TM4SF20: variants seen among roughly 807,000 people sequenced by gnomAD.
The protein encoded by TM4SF20 is transmembrane 4 L6 family member 20.
In TM4SF20, 13 loss-of-function variants were observed where a neutral mutation model predicts 15.1. The ratio of observed to expected loss-of-function variants is 0.86; its 90% confidence interval spans 0.56 to 1.36. TM4SF20 has a LOEUF of 1.36. TM4SF20 is among the 40% of genes most tolerant of loss of function. TM4SF20 has a pLI of 0.00. For missense variants in TM4SF20, 282 were observed against 268.4 expected, an observed-to-expected ratio of 1.05 and a Z score of -0.35; for synonymous variants, 92 against 96.6, an observed-to-expected ratio of 0.95 and a Z score of 0.28.
intron 1 of TM4SF20, among the ~76,000 whole-genome samples, chr2:227,377,656 A>G (rs944225302): frequency 3.3e-5 from 5 of 152,222 alleles, no homozygotes; most frequent in African/African-American, 1.2e-4. Context: ...AAAAGGAATG[A>G]GATCATGACC....
At chr2:227,365,079 T>C (rs906751431) in intron 3 of TM4SF20, among the ~76,000 whole-genome samples, 2 of 152,164 alleles carry the variant, frequency 1.3e-5, no homozygotes, top group Non-Finnish European at 2.9e-5. Flanking sequence ...CCTGGCTCAT[T>C]TTTGTATTTT....
intron 1 of TM4SF20, among the ~76,000 whole-genome samples, chr2:227,374,389 C>A (rs774277810): frequency 1.3e-5 from 2 of 152,018 alleles, no homozygotes; most frequent in African/African-American, 2.4e-5. Context: ...ATTCAGAGCT[C>A]CGGAAATTGG....
chr2:227,379,102 A>G lies in TM4SF20; in HGVS notation c.167T>C (p.Ile56Thr), dbSNP rs892652001. Residue 56 changes from isoleucine to threonine, a missense_variant, in exon 1 of 4, where the codon ATA becomes ACA. Transcript: ENST00000304568. The part of the protein sequence containing the change: ...SCFEWWFPGI[I>T]GAGLMAIPAT... ...ATCACTCACCATCAGACCTGCTCCT[A>G]TAATTCCTGGGAACCACCACTCAAA... 14 of 1,614,070 alleles carry G rather than the reference A, an allele frequency of 8.7e-6. No homozygotes were observed. Among genetic ancestry groups the G allele is most frequent in the East Asian group, 6.7e-5 (3 of 44,900 alleles).
intron 1 of TM4SF20, among the ~76,000 whole-genome samples, chr2:227,376,130 A>G (rs771843590): frequency 3.7e-4 from 57 of 152,376 alleles, no homozygotes; most frequent in Middle Eastern, 6.8e-3. Context: ...GATGTAATCA[A>G]TAATGAATTC....
intron 1 of TM4SF20, 99 bp from the exon 2 acceptor site, chr2:227,371,079 C>A: frequency 9.4e-7 from 1 of 1,065,630 alleles, no homozygotes; most frequent in Non-Finnish European, 1.4e-6. Context: ...TGTGGGAAAT[C>A]AAGGCTCAAA....
chr2:227,374,434 G>GGT (rs57830966), intron 1 of TM4SF20, among the ~76,000 whole-genome samples: 16,081 of 151,020 alleles, frequency 0.11, 954 homozygotes, highest in East Asian at 0.28. Flanking sequence ...AACTGTGAAT[G>GGT]GTGTGTGTGT....
chr2:227,363,504 C>T lies in TM4SF20; in HGVS notation c.*220G>A, dbSNP rs2076373631. ...CCTTCCCTTCTCCTTTCTCTACACA[C>T]AGTGAAGAGGTAAAAAATTTGAATA... On this transcript the variant is annotated 3_prime_UTR_variant, in exon 4 of 4. Coordinates refer to ENST00000304568, the MANE Select transcript of TM4SF20 (RefSeq NM_024795.4). The T allele has an allele frequency of 2.1e-6, 1 of 465,718 alleles. No individual in the cohort carries two copies. Among genetic ancestry groups the T allele is most frequent in the Admixed American group, 3.9e-5 (1 of 25,762 alleles). 28.8% of individuals were successfully genotyped at this position (465,718 alleles called of 1,614,324 possible).
rs114274448 is a variant in TM4SF20, at chr2:227,377,013, C to A, written c.183+2073G>T. Among the ~76,000 whole-genome samples, 761 of 152,340 alleles carry A rather than the reference C, an allele frequency of 5.0e-3. 6 individuals are homozygous for A. The highest frequency in any genetic ancestry group is 0.017 in the African/African-American group (720 of 41,564). ...ACTTATGTCCTTCTGTCTGTCTCTG[C>A]CTTTCTCTTTCTCTTCTCTCCCTGC... is the stretch of plus-strand genomic sequence containing the variant. On this transcript the variant is annotated intron_variant, in intron 1 of 3. Transcript: ENST00000304568.
At chr2:227,377,311 C>T (rs2076455980) in intron 1 of TM4SF20, among the ~76,000 whole-genome samples, 1 of 152,210 alleles carries the variant, frequency 6.6e-6, no homozygotes, top group Admixed American at 6.5e-5. Flanking sequence ...TTCTACTACT[C>T]AAGCAGAGAG....
At position 227,366,232 on chromosome 2, in the gene TM4SF20, A is replaced by G. The variant is rs746371456; in HGVS notation, c.262T>C (p.Ser88Pro). 3.1e-6 allele frequency: 5 copies of G among 1,608,232 alleles called. No individual in the cohort carries two copies. In the Admixed American group the frequency reaches 6.9e-5, roughly 22 times the overall value. Residue 88 changes from serine to proline, a missense_variant, in exon 3 of 4, where the codon TCA becomes CCA. Physicochemically the swap from Ser to Pro is moderately conservative, Grantham distance 74. Transcript: ENST00000304568. ...ATGACTGTGATCACACTGAAAAGTGATGAAAGAAACATCTGAAAAATAAAA... is the reference window on the plus strand; with the variant it reads ...ATGACTGTGATCACACTGAAAAGTGGTGAAAGAAACATCTGAAAAATAAAA... ...CNNRTGMFLS[S>P]LFSVITVIGA...
chr2:227,378,098 ACAG>A (rs1452549309), intron 1 of TM4SF20, among the ~76,000 whole-genome samples: 1 of 149,180 alleles, frequency 6.7e-6, no homozygotes, highest in Non-Finnish European at 1.5e-5. Flanking sequence ...ACACACACAC[ACAG>A]GCACACACAC....
rs78863696 is a variant in TM4SF20 at position 227,366,300 on chromosome 2, C to G, written c.250-56G>C. The G allele has an allele frequency of 3.6e-5, 55 of 1,524,946 alleles. No individual in the cohort carries two copies. The South Asian group carries it at 6.5e-4, about 18-fold the overall frequency. The allele number at this position is 1,524,946 out of a possible 1,614,324, so 94.5% of individuals were successfully genotyped here. ...GTTATGACATGTTCTTGATCTGTTT[C>G]AAGCTTCAGGAGCGTATACAGTCTT... On this transcript the variant is annotated intron_variant, in intron 2 of 3. Transcript: ENST00000304568.
chr2:227,363,740 C>G lies in TM4SF20; in HGVS notation c.674G>C (p.Arg225Thr), dbSNP rs1560002350. The G allele has an allele frequency of 1.2e-6, 2 of 1,613,040 alleles. No individual in the cohort carries two copies. The highest frequency in any genetic ancestry group is 1.7e-5 in the Admixed American group (1 of 59,788). ...LGCLCGVSKRRSQIV is the reference protein window; with the variant it reads ...LGCLCGVSKRTSQIV ...CCCATTAAACTACACAATTTGACTT[C>G]TTCGCTTAGAGACTCCACACAGACA... Residue 225 changes from arginine to threonine, a missense_variant, in exon 4 of 4, where the codon AGA becomes ACA. Transcript: ENST00000304568.
chr2:227,380,966 A>G (rs1686969711), upstream of TM4SF20, among the ~76,000 whole-genome samples: 1 of 152,152 alleles, frequency 6.6e-6, no homozygotes, highest in African/African-American at 2.4e-5. Context: ...GGATTTGTAT[A>G]AAAGGATTAA....
intron 1 of TM4SF20, among the ~76,000 whole-genome samples, chr2:227,372,700 TTTTTG>T (rs1196260133): frequency 6.6e-6 from 1 of 151,862 alleles, no homozygotes; most frequent in Non-Finnish European, 1.5e-5. Context: ...CCCACATAGT[TTTTTG>T]TTTTGTTTTG....
chr2:227,363,573 A>T lies in TM4SF20; in HGVS notation c.*151T>A. ...TGAAAATTCTCTCCACCTTTCCCAA[A>T]TCAACCACTGATATGAGAGTGTTAT... On this transcript the variant is annotated 3_prime_UTR_variant, in exon 4 of 4. Coordinates refer to ENST00000304568, the MANE Select transcript of TM4SF20 (RefSeq NM_024795.4). 1 of 778,176 alleles carries T rather than the reference A, an allele frequency of 1.3e-6. No individual in the cohort carries two copies. 48.2% of individuals were successfully genotyped at this position (778,176 alleles called of 1,614,324 possible).
chr2:227,379,095 T>G lies in TM4SF20; in HGVS notation c.174A>C (p.Ala58=), dbSNP rs745610267. 1 of 1,614,166 alleles carries G rather than the reference T, an allele frequency of 6.2e-7. No homozygotes were observed. ...AATAAATATCACTCACCATCAGACCTGCTCCTATAATTCCTGGGAACCACC... is the reference window on the plus strand; with the variant it reads ...AATAAATATCACTCACCATCAGACCGGCTCCTATAATTCCTGGGAACCACC... ...FEWWFPGIIG[A]GLMAIPATTM... The change falls in exon 1 of 4, where the codon GCA becomes GCC. Residue 58 remains alanine, a synonymous_variant. Coordinates refer to ENST00000304568, the MANE Select transcript of TM4SF20 (RefSeq NM_024795.4).
intron 2 of TM4SF20, among the ~76,000 whole-genome samples, chr2:227,370,442 C>T (rs1406422049): frequency 6.6e-6 from 1 of 152,112 alleles, no homozygotes; most frequent in African/African-American, 2.4e-5. Flanking sequence ...ACTTTTTCTA[C>T]TTCTATATAA....
chr2:227,363,528 T>C lies in TM4SF20; in HGVS notation c.*196A>G. 1 of 549,676 alleles carries C rather than the reference T, an allele frequency of 1.8e-6. No homozygotes were observed. The allele number at this position is 549,676 out of a possible 1,614,324, so 34.0% of individuals were successfully genotyped here. A position where few individuals can be genotyped will look rare whatever the true frequency, so the allele number is the denominator to read the frequency against. On this transcript the variant is annotated 3_prime_UTR_variant, in exon 4 of 4. Transcript: ENST00000304568. Reference sequence around the variant, plus strand: ...ACAGTGAAGAGGTAAAAAATTTGAATAGTACAACACAAAACTAATTGAAAA... The same window carrying C: ...ACAGTGAAGAGGTAAAAAATTTGAACAGTACAACACAAAACTAATTGAAAA...
Sources: allele counts gnomAD v4.1 joint callset (sites outside exome capture counted in the v4.1 genomes callset), GRCh38; gene constraint gnomAD v4.1.1; transcripts MANE v1.5; gene names NCBI Gene and HGNC (gene_info 2026-07-23, HGNC 2026-07-21).